PCDH9: variants seen among roughly 807,000 people sequenced by gnomAD.
PCDH9 encodes protocadherin 9.
Under a neutral mutation model 70.6 loss-of-function variants are expected in PCDH9, and 24 were observed. That is an observed-to-expected ratio of 0.34 (90% CI 0.25 to 0.48). The LOEUF is 0.48. Among genes scored for constraint, PCDH9 ranks in the 20% least tolerant of loss-of-function variants. The pLI, the probability that PCDH9 is intolerant of heterozygous loss-of-function variation, is 0.99. For missense variants in PCDH9, 1,281 were observed against 1,503.6 expected, an observed-to-expected ratio of 0.85 and a Z score of 2.45; for synonymous variants, 562 against 558.5, an observed-to-expected ratio of 1.01 and a Z score of -0.09.
chr13:66,344,332 G>T (rs1956179744), intron 4 of PCDH9, among the ~76,000 whole-genome samples: 1 of 152,138 alleles, frequency 6.6e-6, no homozygotes, highest in African/African-American at 2.4e-5. Context: ...CACCATGTTG[G>T]TCAGGCTGGT....
At chr13:67,181,383 C>T (rs2088611212) in intron 2 of PCDH9, among the ~76,000 whole-genome samples, 1 of 151,776 alleles carries the variant, frequency 6.6e-6, no homozygotes. Context: ...TTTCATAAGC[C>T]GTAGAGGAAA....
chr13:66,371,173 TA>T (rs778195123), intron 4 of PCDH9, among the ~76,000 whole-genome samples: 9 of 152,130 alleles, frequency 5.9e-5, no homozygotes, highest in Non-Finnish European at 1.3e-4. Flanking sequence ...TTGTTCTCTA[TA>T]TTTGAGAAAA....
chr13:67,069,597 C>A (rs780310440), intron 2 of PCDH9, among the ~76,000 whole-genome samples: 1 of 152,162 alleles, frequency 6.6e-6, no homozygotes, highest in Admixed American at 6.6e-5. Flanking sequence ...CCAGTCCATG[C>A]TGAGAATGAG....
chr13:66,926,384 A>C (rs1434523924), intron 2 of PCDH9, among the ~76,000 whole-genome samples: 1 of 152,018 alleles, frequency 6.6e-6, no homozygotes, highest in African/African-American at 2.4e-5. Context: ...ATTGATGCTC[A>C]TGCTTTATCA....
intron 4 of PCDH9, among the ~76,000 whole-genome samples, chr13:66,439,979 C>T (rs1442545512): frequency 2.6e-5 from 4 of 152,078 alleles, no homozygotes; most frequent in Admixed American, 1.3e-4. Context: ...TTCTCAAGTG[C>T]ACATTTGTTG....
chr13:66,845,282 C>T (rs550435022), intron 3 of PCDH9, among the ~76,000 whole-genome samples: 4 of 152,314 alleles, frequency 2.6e-5, no homozygotes, highest in African/African-American at 7.2e-5. Context: ...CCATGCTCAT[C>T]GGTGCCCAAA....
At chr13:67,160,741 T>C (rs1483675800) in intron 2 of PCDH9, among the ~76,000 whole-genome samples, 2 of 152,176 alleles carry the variant, frequency 1.3e-5, no homozygotes, top group African/African-American at 4.8e-5. Flanking sequence ...TTCTCATCCC[T>C]CTTAAGAAAA....
chr13:66,874,914 A>AGTGT (rs36045690), intron 3 of PCDH9, among the ~76,000 whole-genome samples: 2,614 of 137,336 alleles, frequency 0.019, 27 homozygotes, highest in East Asian at 0.035. Flanking sequence ...CAAAAGCAGC[A>AGTGT]GTGTGTGTGT....
chr13:66,672,758 CA>C (rs2078193979), intron 3 of PCDH9, among the ~76,000 whole-genome samples: 1 of 152,172 alleles, frequency 6.6e-6, no homozygotes, highest in Admixed American at 6.5e-5. Flanking sequence ...GCAGTCAAAG[CA>C]TATCATTTTG....
In PCDH9 at chr13:66,473,306, C is replaced by T. The variant is rs190787504; in HGVS notation, c.3340+157904G>A. On this transcript the variant is annotated intron_variant, in intron 4 of 4. Transcript: ENST00000377865. The stretch of plus-strand genomic sequence containing the variant: ...TAGCAGGGAATGGGAATTGATATAT[C>T]GATATTTGCTATGCTTACTTTCAAT... Among the ~76,000 whole-genome samples, 35 of 151,872 alleles carry T rather than the reference C, an allele frequency of 2.3e-4. No individual in the cohort carries two copies. The East Asian group carries it at 6.2e-3, about 27-fold the overall frequency.
intron 4 of PCDH9, among the ~76,000 whole-genome samples, chr13:66,566,254 G>T (rs2138725121): frequency 6.6e-6 from 1 of 152,258 alleles, no homozygotes; most frequent in East Asian, 1.9e-4. Flanking sequence ...ATACAAGAAA[G>T]AACTAATGTG....
intron 3 of PCDH9, among the ~76,000 whole-genome samples, chr13:66,797,386 T>C (rs974560679): frequency 6.6e-5 from 10 of 152,158 alleles, no homozygotes; most frequent in Non-Finnish European, 1.2e-4. Flanking sequence ...GGATTCCAAT[T>C]AGACTCCAGC....
At chr13:66,722,557 T>G (rs2078955345) in intron 3 of PCDH9, among the ~76,000 whole-genome samples, 2 of 152,182 alleles carry the variant, frequency 1.3e-5, no homozygotes, top group Admixed American at 1.3e-4. Context: ...TTACTTCCCC[T>G]GAAATTCTCC....
intron 4 of PCDH9, among the ~76,000 whole-genome samples, chr13:66,343,598 T>G (rs1240149493): frequency 6.6e-6 from 1 of 152,206 alleles, no homozygotes; most frequent in Non-Finnish European, 1.5e-5. Flanking sequence ...TCCCCTTTTA[T>G]CCTACATTTT....
intron 2 of PCDH9, among the ~76,000 whole-genome samples, chr13:67,151,174 G>A (rs2087649995): frequency 6.6e-6 from 1 of 151,720 alleles, no homozygotes; most frequent in Non-Finnish European, 1.5e-5. Context: ...CATTTGATGA[G>A]TACCAATAGC....
chr13:66,772,550 A>G (rs1431142561), intron 3 of PCDH9, among the ~76,000 whole-genome samples: 1 of 152,156 alleles, frequency 6.6e-6, no homozygotes, highest in African/African-American at 2.4e-5. Context: ...AACTTAATCA[A>G]ACATTATTTG....
chr13:66,559,961 ATATC>A (rs1299170344), intron 4 of PCDH9, among the ~76,000 whole-genome samples: 1 of 151,780 alleles, frequency 6.6e-6, no homozygotes, highest in African/African-American at 2.4e-5. Context: ...CAGCTAATGA[ATATC>A]TATCTTATTT....
chr13:66,965,227 A>G (rs1243687278), intron 2 of PCDH9, among the ~76,000 whole-genome samples: 1 of 152,142 alleles, frequency 6.6e-6, no homozygotes, highest in East Asian at 1.9e-4. Context: ...TACATCATGT[A>G]ACCTTCCTTA....
intron 3 of PCDH9, among the ~76,000 whole-genome samples, chr13:66,650,585 CAA>C (rs2077837091): frequency 6.6e-6 from 1 of 151,880 alleles, no homozygotes; most frequent in Admixed American, 6.6e-5. Flanking sequence ...AGAAAATCAA[CAA>C]AGAGTAAGGG....
Sources: gnomAD v4.1 joint callset for allele counts (sites outside exome capture counted in the v4.1 genomes callset) on GRCh38, gnomAD v4.1.1 for gene constraint, MANE v1.5 for transcripts, NCBI Gene and HGNC (gene_info 2026-07-23, HGNC 2026-07-21) for gene names.